STAG1: variants seen among roughly 807,000 people sequenced by gnomAD.
STAG1 encodes cohesin subunit SA-1.
In STAG1, 26 loss-of-function variants were observed where a neutral mutation model predicts 170.9. That is an observed-to-expected ratio of 0.15 (90% CI 0.11 to 0.21). The LOEUF is 0.21. STAG1 is among the 10% of genes least tolerant of loss of function. The probability of loss-of-function intolerance (pLI) is 1.00; values close to 1 mark genes in which losing one functional copy is unlikely to be tolerated. For synonymous variants in STAG1, 514 were observed against 497.7 expected (o/e 1.03, Z -0.44); for missense variants, 964 against 1,509.5 (o/e 0.64, Z 5.99).
intron 5 of STAG1, among the ~76,000 whole-genome samples, chr3:136,546,734 A>T (rs1160976931): frequency 6.6e-6 from 1 of 152,218 alleles, no homozygotes; most frequent in Non-Finnish European, 1.5e-5. Context: ...ATTGTATACA[A>T]ATCCATAAAT....
chr3:136,714,139 C>G (rs1035375707), intron 1 of STAG1, among the ~76,000 whole-genome samples: 8 of 152,072 alleles, frequency 5.3e-5, no homozygotes, highest in African/African-American at 1.9e-4. Context: ...GATTGCATCA[C>G]CGCACTCCAG....
chr3:136,747,659 GAC>G (rs1271471259), intron 1 of STAG1, among the ~76,000 whole-genome samples: 1 of 152,064 alleles, frequency 6.6e-6, no homozygotes, highest in African/African-American at 2.4e-5. Flanking sequence ...CAGCCTGAGT[GAC>G]AGAGAGAGAC....
At chr3:136,411,630 C>T (rs1427533799) in intron 21 of STAG1, among the ~76,000 whole-genome samples, 2 of 152,022 alleles carry the variant, frequency 1.3e-5, no homozygotes, top group African/African-American at 4.8e-5. Flanking sequence ...ATTCGTGTGT[C>T]AGAAAGGATG....
chr3:136,441,664 A>G (rs1036327520), intron 15 of STAG1, among the ~76,000 whole-genome samples: 1 of 152,132 alleles, frequency 6.6e-6, no homozygotes, highest in South Asian at 2.1e-4. Context: ...GGTAATCTGC[A>G]TGGGTAGTCT....
At chr3:136,498,249 T>TACACACAC (rs71157389) in intron 9 of STAG1, among the ~76,000 whole-genome samples, 1 of 73,710 alleles carries the variant, frequency 1.4e-5, no homozygotes, top group Non-Finnish European at 2.4e-5. Flanking sequence ...TACATATACA[T>TACACACAC]ACACACACAC....
At chr3:136,522,484 C>T (rs1294352757) in intron 6 of STAG1, among the ~76,000 whole-genome samples, 1 of 152,172 alleles carries the variant, frequency 6.6e-6, no homozygotes, top group Non-Finnish European at 1.5e-5. Context: ...CAGCAGCCTA[C>T]CTGCTGCTTC....
At chr3:136,431,100 C>T (rs953393679) in intron 16 of STAG1, among the ~76,000 whole-genome samples, 96 of 151,808 alleles carry the variant, frequency 6.3e-4, no homozygotes, top group African/African-American at 2.2e-3. Context: ...GATGGGGTTT[C>T]GCCATGTTGG....
intron 5 of STAG1, among the ~76,000 whole-genome samples, chr3:136,565,014 GC>G (rs1229651336): frequency 8.7e-5 from 8 of 91,644 alleles, no homozygotes; most frequent in South Asian, 4.1e-4. Context: ...AGGAAGGAAG[GC>G]AGGCAGGCAG....
chr3:136,643,529 GAA>G (rs1481153265), intron 1 of STAG1, among the ~76,000 whole-genome samples: 1 of 152,162 alleles, frequency 6.6e-6, no homozygotes, highest in Non-Finnish European at 1.5e-5. Context: ...TTTGTTTTGA[GAA>G]AGAGTCTGGC....
chr3:136,490,563 C>A (rs909692627), intron 9 of STAG1, among the ~76,000 whole-genome samples: 1 of 152,010 alleles, frequency 6.6e-6, no homozygotes, highest in Non-Finnish European at 1.5e-5. Context: ...AATCAAATGT[C>A]AAAGATACAT....
chr3:136,538,081 G>C (rs1935726227), intron 6 of STAG1, among the ~76,000 whole-genome samples: 1 of 152,072 alleles, frequency 6.6e-6, no homozygotes, highest in African/African-American at 2.4e-5. Context: ...AATAAATACT[G>C]AGTCTTGAGT....
chr3:136,420,996 C>G, intron 20 of STAG1, 97 bp downstream of exon 20: 1 of 673,118 alleles, frequency 1.5e-6, no homozygotes, highest in Non-Finnish European at 2.4e-6. Context: ...GTCTCCAATT[C>G]ATGGCCTCAA....
intron 21 of STAG1, among the ~76,000 whole-genome samples, chr3:136,414,682 AT>A (rs1242387223): frequency 6.6e-6 from 1 of 152,024 alleles, no homozygotes; most frequent in African/African-American, 2.4e-5. Context: ...AAGTTTCTCA[AT>A]TTTCTTGCCC....
chr3:136,729,798 T>A (rs1271073467), intron 1 of STAG1, among the ~76,000 whole-genome samples: 1 of 151,180 alleles, frequency 6.6e-6, no homozygotes, highest in East Asian at 1.9e-4. Context: ...AGGCTAGTCT[T>A]GAACTCCTAG....
At chr3:136,659,477 A>G (rs898166381) in intron 1 of STAG1, among the ~76,000 whole-genome samples, 5 of 152,206 alleles carry the variant, frequency 3.3e-5, no homozygotes, top group Admixed American at 2.6e-4. Flanking sequence ...TGCCATAGCA[A>G]CAGCTGCTTT....
At chr3:136,701,054 G>A (rs1311747394) in intron 1 of STAG1, among the ~76,000 whole-genome samples, 1 of 150,676 alleles carries the variant, frequency 6.6e-6, no homozygotes. Context: ...GCTAATTTTT[G>A]TATTTTTAGT....
At chr3:136,738,311 T>C (rs940722499) in intron 1 of STAG1, among the ~76,000 whole-genome samples, 2 of 151,942 alleles carry the variant, frequency 1.3e-5, no homozygotes, top group African/African-American at 4.8e-5. Flanking sequence ...GCCAACATGG[T>C]GAAACCCCAT....
intron 15 of STAG1, among the ~76,000 whole-genome samples, chr3:136,440,895 C>T (rs916867004): frequency 5.9e-5 from 9 of 151,796 alleles, no homozygotes; most frequent in Non-Finnish European, 1.2e-4. Flanking sequence ...AGGCTGAGGT[C>T]GGAGGATTGC....
intron 9 of STAG1, among the ~76,000 whole-genome samples, chr3:136,487,415 T>G (rs968995456): frequency 1.3e-5 from 2 of 152,178 alleles, no homozygotes; most frequent in Non-Finnish European, 2.9e-5. Flanking sequence ...ATTGCCAGTA[T>G]TTTCATACCA....
Sources: allele counts gnomAD v4.1 joint callset (sites outside exome capture counted in the v4.1 genomes callset), GRCh38; gene constraint gnomAD v4.1.1; transcripts MANE v1.5; gene names NCBI Gene and HGNC (gene_info 2026-07-23, HGNC 2026-07-21).